The following CSMD1 variants were observed in gnomAD, a reference collection of about 807,000 sequenced individuals.
CSMD1 encodes CUB and sushi domain-containing protein 1.
Under a neutral mutation model 417.5 loss-of-function variants are expected in CSMD1, and 213 were observed. The ratio of observed to expected loss-of-function variants is 0.51; its 90% confidence interval spans 0.46 to 0.57. The LOEUF (loss-of-function observed/expected upper bound fraction) is 0.57, where lower values mean the gene tolerates loss of function less well. CSMD1 is among the 20% of genes least tolerant of loss of function. The pLI, the probability that CSMD1 is intolerant of heterozygous loss-of-function variation, is 0.00. For missense variants in CSMD1, 6,923 were observed against 4,529.7 expected (o/e 1.53, Z -15.17); for synonymous variants, 2,862 against 1,736.8 (o/e 1.65, Z -16.11).
chr8:3,158,046 T>C, intron 38 of CSMD1, 80 bp from the exon 39 acceptor site: 1 of 1,132,508 alleles, frequency 8.8e-7, no homozygotes, highest in South Asian at 1.5e-5. Flanking sequence ...AATATCTGCA[T>C]TTTTTCCTTT....
rs149885699 is a variant in CSMD1, at chr8:3,795,066, A to G, written c.819-41024T>C. ...ATCTATCATGTATAGCTATAGATATATATCTATCATGTACAGCTATAGATA... is the reference window on the plus strand; with the variant it reads ...ATCTATCATGTATAGCTATAGATATGTATCTATCATGTACAGCTATAGATA... On this transcript the variant is annotated intron_variant, in intron 5 of 69. Transcript: ENST00000635120. Among the ~76,000 whole-genome samples, 659 of 81,806 alleles carry G rather than the reference A, an allele frequency of 8.1e-3. 21 individuals carry two copies. The highest frequency in any genetic ancestry group is 0.02 in the African/African-American group (582 of 29,628). The allele number at this position is 81,806 out of a possible 152,430, so 53.7% of individuals were successfully genotyped here. A position where few individuals can be genotyped will look rare whatever the true frequency, so the allele number is the denominator to read the frequency against.
intron 5 of CSMD1, among the ~76,000 whole-genome samples, chr8:3,839,375 A>G (rs11778477): frequency 0.34 from 39,065 of 113,838 alleles, 7,285 homozygotes; most frequent in East Asian, 0.57. Flanking sequence ...TACTCTCTCT[A>G]GATATACAGT....
At chr8:3,769,900 T>A (rs1798479309) in intron 5 of CSMD1, among the ~76,000 whole-genome samples, 1 of 152,218 alleles carries the variant, frequency 6.6e-6, no homozygotes, top group South Asian at 2.1e-4. Flanking sequence ...CTTCAGGACT[T>A]TTGAGAAATG....
chr8:3,508,016 A>G (rs998267789), intron 10 of CSMD1, among the ~76,000 whole-genome samples: 3 of 151,880 alleles, frequency 2.0e-5, no homozygotes, highest in Non-Finnish European at 2.9e-5. Context: ...GTTTTATTAG[A>G]TCCCATTTGT....
intron 5 of CSMD1, among the ~76,000 whole-genome samples, chr8:3,984,957 T>C (rs973441026): frequency 5.9e-5 from 9 of 152,000 alleles, no homozygotes; most frequent in African/African-American, 1.9e-4. Flanking sequence ...ACTTTAGAAT[T>C]TGGTGAAGAC....
At chr8:3,111,173 T>C (rs1202371524) in intron 42 of CSMD1, among the ~76,000 whole-genome samples, 2 of 152,306 alleles carry the variant, frequency 1.3e-5, no homozygotes, top group South Asian at 2.1e-4. Context: ...ACAAATGGTA[T>C]AGAATTCAGG....
intron 7 of CSMD1, among the ~76,000 whole-genome samples, chr8:3,697,016 G>C (rs533272442): frequency 1.3e-5 from 2 of 152,244 alleles, no homozygotes; most frequent in East Asian, 1.9e-4. Context: ...GGGTTCTGGT[G>C]AATGTGGTCA....
At chr8:4,051,144 G>C (rs1029625543) in intron 3 of CSMD1, among the ~76,000 whole-genome samples, 6 of 151,980 alleles carry the variant, frequency 3.9e-5, no homozygotes, top group East Asian at 3.9e-4. Context: ...AAAGAAAAAA[G>C]ACCAGGAGTA....
intron 12 of CSMD1, among the ~76,000 whole-genome samples, chr8:3,456,581 C>A (rs1816157420): frequency 6.6e-6 from 1 of 152,178 alleles, no homozygotes; most frequent in South Asian, 2.1e-4. Context: ...TCCTACTATG[C>A]CAAAACCTAG....
chr8:4,915,115 C>G (rs888416152), intron 1 of CSMD1, among the ~76,000 whole-genome samples: 3 of 152,036 alleles, frequency 2.0e-5, no homozygotes, highest in African/African-American at 7.3e-5. Flanking sequence ...CAAGTGTTAC[C>G]AACTGTGGTT....
chr8:3,691,133 G>A (rs936163057), intron 7 of CSMD1, among the ~76,000 whole-genome samples: 8 of 151,998 alleles, frequency 5.3e-5, no homozygotes, highest in African/African-American at 1.2e-4. Flanking sequence ...TTGGGAGGCC[G>A]GGGCAGGCGG....
At chr8:4,032,760 A>C (rs77393240) in intron 3 of CSMD1, among the ~76,000 whole-genome samples, 1 of 152,236 alleles carries the variant, frequency 6.6e-6, no homozygotes, top group African/African-American at 2.4e-5. Flanking sequence ...GACAACAGAA[A>C]TACTGAATTC....
intron 1 of CSMD1, among the ~76,000 whole-genome samples, chr8:4,667,982 C>T (rs928573992): frequency 2.6e-5 from 4 of 152,158 alleles, no homozygotes; most frequent in African/African-American, 9.7e-5. Context: ...TGTTAAAAAT[C>T]TACAATATTT....
intron 54 of CSMD1, among the ~76,000 whole-genome samples, chr8:2,991,503 A>G (rs1337292678): frequency 3.9e-5 from 6 of 152,242 alleles, no homozygotes; most frequent in Admixed American, 1.3e-4. Context: ...CTTTTGAAAA[A>G]TCTCAGAGAA....
intron 3 of CSMD1, among the ~76,000 whole-genome samples, chr8:4,278,307 G>A (rs1299409280): frequency 1.3e-5 from 2 of 152,050 alleles, no homozygotes; most frequent in African/African-American, 4.8e-5. Context: ...AAAACACAGC[G>A]GTAGTGCTGG....
chr8:3,975,909 A>G (rs1380628665), intron 5 of CSMD1, among the ~76,000 whole-genome samples: 1 of 152,184 alleles, frequency 6.6e-6, no homozygotes, highest in Non-Finnish European at 1.5e-5. Context: ...GAGTGAATGT[A>G]TTAGTTTCAT....
At chr8:3,363,452 G>C (rs1206247732) in intron 20 of CSMD1, among the ~76,000 whole-genome samples, 1 of 152,170 alleles carries the variant, frequency 6.6e-6, no homozygotes, top group Non-Finnish European at 1.5e-5. Context: ...AAGGCTGCAT[G>C]TCAGAGACAC....
intron 3 of CSMD1, among the ~76,000 whole-genome samples, chr8:4,409,900 G>A (rs974973858): frequency 1.1e-4 from 17 of 151,940 alleles, no homozygotes; most frequent in African/African-American, 3.4e-4. Context: ...TGCAACCTCC[G>A]CCTCCTGGGT....
intron 3 of CSMD1, among the ~76,000 whole-genome samples, chr8:4,055,538 G>A (rs183748570): frequency 0.012 from 1,621 of 140,804 alleles, 9 homozygotes; most frequent in Non-Finnish European, 0.014. Flanking sequence ...ATAATGTCAA[G>A]AATTTTAATG....
Sources: allele counts gnomAD v4.1 joint callset (sites outside exome capture counted in the v4.1 genomes callset), GRCh38; gene constraint gnomAD v4.1.1; transcripts MANE v1.5; gene names NCBI Gene and HGNC (gene_info 2026-07-23, HGNC 2026-07-21).